Variants in ZDHHC18 observed in about 807,000 individuals in gnomAD.
ZDHHC18 encodes palmitoyltransferase ZDHHC18.
ZDHHC18 carries 23 observed loss-of-function variants against 37.5 expected under a neutral mutation model. That is an observed-to-expected ratio of 0.61 (90% CI 0.44 to 0.87). The LOEUF (loss-of-function observed/expected upper bound fraction) is 0.87, where lower values mean the gene tolerates loss of function less well. Among genes scored for constraint, ZDHHC18 ranks in the 40% least tolerant of loss-of-function variants. The probability of loss-of-function intolerance (pLI) is 0.00; values close to 1 mark genes in which losing one functional copy is unlikely to be tolerated. For synonymous variants in ZDHHC18, 185 were observed against 218.7 expected, an observed-to-expected ratio of 0.85 and a Z score of 1.36; for missense variants, 406 against 525.6, an observed-to-expected ratio of 0.77 and a Z score of 2.22.
chr1:26,851,144 G>C lies in ZDHHC18; in HGVS notation c.849G>C (p.Val283=). 1 of 1,614,202 alleles carries C rather than the reference G, an allele frequency of 6.2e-7. No individual in the cohort carries two copies. The change falls in exon 6 of 8, where the codon GTG becomes GTC. Residue 283 remains valine, a synonymous_variant. Transcript: ENST00000374142. ...KETPASVLEL[V]ICFFSIWSIL... ...CTGCCCTCACCGTGCTGGAGTTGGTGATCTGCTTCTTCTCCATCTGGTCCA... is the reference window on the plus strand; with the variant it reads ...CTGCCCTCACCGTGCTGGAGTTGGTCATCTGCTTCTTCTCCATCTGGTCCA...
intron 1 of ZDHHC18, among the ~76,000 whole-genome samples, chr1:26,828,647 T>A (rs2081570316): frequency 6.6e-6 from 1 of 152,062 alleles, no homozygotes; most frequent in African/African-American, 2.4e-5. Context: ...TGAAGCAAGG[T>A]GAAGACTTCC....
At chr1:26,842,459 G>A (rs1432441185) in intron 2 of ZDHHC18, among the ~76,000 whole-genome samples, 1 of 152,214 alleles carries the variant, frequency 6.6e-6, no homozygotes, top group Non-Finnish European at 1.5e-5. Flanking sequence ...GATATCATCA[G>A]GAGAAACCCA....
intron 2 of ZDHHC18, among the ~76,000 whole-genome samples, chr1:26,833,871 T>C (rs2081598998): frequency 6.6e-6 from 1 of 151,914 alleles, no homozygotes; most frequent in Admixed American, 6.5e-5. Context: ...ACTAATACTC[T>C]GTGCAGCAGG....
intron 2 of ZDHHC18, among the ~76,000 whole-genome samples, chr1:26,838,236 C>T (rs184365971): frequency 5.9e-5 from 9 of 152,150 alleles, no homozygotes; most frequent in Admixed American, 5.9e-4. Context: ...CTCCGGTGAT[C>T]CGCCCGCCTC....
intron 2 of ZDHHC18, among the ~76,000 whole-genome samples, chr1:26,835,537 GTA>G (rs2081607465): frequency 1.3e-5 from 2 of 151,946 alleles, no homozygotes; most frequent in Admixed American, 6.6e-5. Context: ...CCTGTCTCTA[GTA>G]AAAATACAAA....
rs2081736891 is a variant in ZDHHC18 at position 26,856,824 on chromosome 1, T to C, written c.*2981T>C. The C allele has an allele frequency of 6.5e-6, 1 of 153,408 alleles. No individual in the cohort carries two copies. The allele number at this position is 153,408 out of a possible 1,614,324, so 9.5% of individuals were successfully genotyped here. A position where few individuals can be genotyped will look rare whatever the true frequency, so the allele number is the denominator to read the frequency against. On this transcript the variant is annotated 3_prime_UTR_variant, in exon 8 of 8. Transcript: ENST00000374142. The surrounding 1 kb of genome is among the most constrained non-coding windows in gnomAD (Gnocchi z 5.2). ...GCTAACCCTCTCTCTTCTCCTTCTT[T>C]GCTGTCCTGCCGGGGATCTCCAGTG...
intron 2 of ZDHHC18, among the ~76,000 whole-genome samples, chr1:26,844,569 G>GA (rs1415344268): frequency 2.0e-5 from 3 of 152,180 alleles, no homozygotes; most frequent in Non-Finnish European, 2.9e-5. Flanking sequence ...CTGTTGGGTA[G>GA]ATGCCTGGGA....
At chr1:26,829,736 G>A (rs1383290588) in intron 1 of ZDHHC18, among the ~76,000 whole-genome samples, 1 of 151,588 alleles carries the variant, frequency 6.6e-6, no homozygotes, top group South Asian at 2.1e-4. Context: ...TGAATTGACA[G>A]TGTATTTGAA....
At position 26,850,333 on chromosome 1, in the gene ZDHHC18, A is replaced by C; in HGVS notation, c.679A>C (p.Asn227His). 6.2e-7 allele frequency: 1 copy of C among 1,614,216 alleles called. No homozygotes were observed. The highest frequency in any genetic ancestry group is 2.2e-5 in the East Asian group (1 of 44,884). ...RFDHHCPWVG[N>H]CVGRRNYRFF... The stretch of plus-strand genomic sequence containing the variant: ...TGACCATCACTGCCCCTGGGTGGGC[A>C]ACTGTGTGGGGAGACGGAACTATCG... Residue 227 changes from asparagine (N) to histidine (H), a missense_variant, in exon 4 of 8, where the codon AAC becomes CAC. Asn to His is a moderately conservative substitution (Grantham distance 68, BLOSUM62 1). Coordinates refer to ENST00000374142, the MANE Select transcript of ZDHHC18 (RefSeq NM_032283.3). The surrounding 1 kb of genome is among the most constrained non-coding windows in gnomAD (Gnocchi z 6.1).
intron 2 of ZDHHC18, among the ~76,000 whole-genome samples, chr1:26,844,128 C>G (rs1376403143): frequency 6.6e-6 from 1 of 152,134 alleles, no homozygotes; most frequent in African/African-American, 2.4e-5. Context: ...CAACCTCCAT[C>G]TCCTGGGTTC....
chr1:26,837,057 G>A (rs999678673), intron 2 of ZDHHC18, among the ~76,000 whole-genome samples: 8 of 147,852 alleles, frequency 5.4e-5, no homozygotes, highest in African/African-American at 2.0e-4. Context: ...GACCATCCTG[G>A]CTAACAAGGT....
At chr1:26,841,996 A>G (rs561841985) in intron 2 of ZDHHC18, among the ~76,000 whole-genome samples, 4 of 152,092 alleles carry the variant, frequency 2.6e-5, no homozygotes, top group African/African-American at 9.7e-5. Context: ...TTAGCCAGGC[A>G]TGGTTGCGGG....
chr1:26,838,693 G>A (rs1409479778), intron 2 of ZDHHC18, among the ~76,000 whole-genome samples: 2 of 152,260 alleles, frequency 1.3e-5, no homozygotes, highest in Admixed American at 6.5e-5. Flanking sequence ...AATTGGCCAT[G>A]CCAGGGTTCA....
intron 2 of ZDHHC18, among the ~76,000 whole-genome samples, chr1:26,842,183 C>T (rs537839325): frequency 3.4e-4 from 52 of 151,768 alleles, no homozygotes; most frequent in African/African-American, 1.1e-3. Context: ...GCCTTTATTG[C>T]CCAGGCAGGT....
chr1:26,851,633 TGA>T (rs2081705198), intron 6 of ZDHHC18, among the ~76,000 whole-genome samples: 1 of 152,234 alleles, frequency 6.6e-6, no homozygotes, highest in Admixed American at 6.5e-5. Context: ...ATTCGATGAC[TGA>T]GAGACATGTC....
Position 26,853,945 on chromosome 1 carries a change from T to C in ZDHHC18, c.*102T>C. 1.0e-6 allele frequency: 1 copy of C among 1,002,324 alleles called. No homozygotes were observed. 62.1% of individuals were successfully genotyped at this position (1,002,324 alleles called of 1,614,324 possible). On this transcript the variant is annotated 3_prime_UTR_variant, in exon 8 of 8. Transcript: ENST00000374142. ...CAAGGGAAGCAGAACTGCCAAAGACTCAAGTCTTTTCATATTTATTTCCCA... is the reference window on the plus strand; with the variant it reads ...CAAGGGAAGCAGAACTGCCAAAGACCCAAGTCTTTTCATATTTATTTCCCA...
At position 26,832,572 on chromosome 1, in the gene ZDHHC18, C is replaced by T. The variant is rs1425745630; in HGVS notation, c.461C>T (p.Thr154Ile). Reference sequence around the variant, plus strand: ...GACCCTGGGATCCTGCCCCGGGCCACTGTCTGTGAAGCAGCCGCCCTGGAG... The same window carrying T: ...GACCCTGGGATCCTGCCCCGGGCCATTGTCTGTGAAGCAGCCGCCCTGGAG... ...FTDPGILPRA[T>I]VCEAAALEKQ... Residue 154 changes from threonine to isoleucine, a missense_variant, in exon 2 of 8, where the codon ACT (threonine) becomes ATT (isoleucine). By Grantham distance (89) the Thr-to-Ile change is moderately conservative. Coordinates refer to ENST00000374142, the MANE Select transcript of ZDHHC18 (RefSeq NM_032283.3). 5 of 1,614,212 alleles carry T rather than the reference C, an allele frequency of 3.1e-6. No homozygotes were observed. The highest frequency in any genetic ancestry group is 4.2e-6 in the Non-Finnish European group (5 of 1,180,018).
rs2081719428 is a variant in ZDHHC18 at position 26,853,789 on chromosome 1, T to C, written c.1113T>C (p.Asp371=). The change falls in exon 8 of 8, where the codon GAT becomes GAC. Residue 371 remains aspartate (D), a synonymous_variant. Coordinates refer to ENST00000374142, the MANE Select transcript of ZDHHC18 (RefSeq NM_032283.3). The part of the protein sequence containing the change: ...DTVLPSPIRS[D]EPACRAKPDA... ...TGTTGCCCTCACCCATCAGAAGCGA[T>C]GAGCCAGCCTGCAGAGCCAAGCCTG... is the stretch of plus-strand genomic sequence containing the variant. 6.2e-7 allele frequency: 1 copy of C among 1,613,970 alleles called. No individual in the cohort carries two copies. The highest frequency in any genetic ancestry group is 1.3e-5 in the African/African-American group (1 of 74,906).
In ZDHHC18 at chr1:26,832,475, C is replaced by T. The variant is rs1475132042; in HGVS notation, c.364C>T (p.Leu122Phe). Reference protein sequence around the residue: ...DCPYLARKLTLAIPIIAAILF... With the variant: ...DCPYLARKLTFAIPIIAAILF... ...TCCCTACCTGGCTCGCAAGCTGACC[C>T]TTGCCATCCCCATCATCGCTGCCAT... is the stretch of plus-strand genomic sequence containing the variant. Residue 122 changes from leucine to phenylalanine, a missense_variant, in exon 2 of 8, where the codon CTT becomes TTT. Leu to Phe is a conservative substitution (Grantham distance 22, BLOSUM62 0). Transcript: ENST00000374142. The T allele has an allele frequency of 1.2e-6, 2 of 1,614,024 alleles. No individual in the cohort carries two copies. The highest frequency in any genetic ancestry group is 1.7e-6 in the Non-Finnish European group (2 of 1,180,012).
Sources: gnomAD v4.1 joint callset for allele counts (sites outside exome capture counted in the v4.1 genomes callset) on GRCh38, gnomAD v4.1.1 for gene constraint, Gnocchi (gnomAD v3.1) non-coding constraint, MANE v1.5 for transcripts, NCBI Gene and HGNC (gene_info 2026-07-23, HGNC 2026-07-21) for gene names.